POMT2: variants seen among roughly 807,000 people sequenced by gnomAD.
The protein encoded by POMT2 is protein O-mannosyltransferase 2, also known as protein O-mannosyl-transferase 2.
A neutral mutation model predicts 100.0 loss-of-function variants in POMT2; 75 were observed. The ratio of observed to expected loss-of-function variants is 0.75; its 90% CI spans 0.62 to 0.91. The LOEUF (loss-of-function observed/expected upper bound fraction) is 0.91. Among genes scored for constraint, POMT2 ranks in the 40% least tolerant of loss-of-function variants. The pLI is 0.00. For missense variants in POMT2, 940 were observed against 955.1 expected (o/e 0.98, Z 0.21); for synonymous variants, 378 against 374.1 (o/e 1.01, Z -0.12).
At chr14:77,306,779 TA>T (rs1298812267) in intron 2 of POMT2, 1 of 336,052 alleles carries the variant, frequency 3.0e-6, no homozygotes, top group Admixed American at 4.2e-5. Flanking sequence ...TGGTATAAAA[TA>T]AAACACGGCA....
chr14:77,281,737 T>C (rs1188965679), intron 15 of POMT2, among the ~76,000 whole-genome samples: 2 of 152,200 alleles, frequency 1.3e-5, no homozygotes, highest in Non-Finnish European at 2.9e-5. Flanking sequence ...GCAGAGTGTT[T>C]AGCATTCCTG....
At chr14:77,300,654 T>C (rs960022384) in intron 6 of POMT2, 19 of 238,656 alleles carry the variant, frequency 8.0e-5, no homozygotes, top group African/African-American at 4.2e-4. Flanking sequence ...ACCGCATCTC[T>C]ACTAAAACTA....
At chr14:77,308,800 A>T in intron 2 of POMT2, 1 of 447,724 alleles carries the variant, frequency 2.2e-6, no homozygotes, top group Non-Finnish European at 4.4e-6. Flanking sequence ...TTAAATGTGC[A>T]TATTCTTCGA....
chr14:77,278,259 G>A (rs904158729), intron 20 of POMT2, 135 bp downstream of exon 20: 3 of 773,368 alleles, frequency 3.9e-6, no homozygotes, highest in African/African-American at 3.4e-5. Context: ...GCCCCACCTG[G>A]GCTTGGGTGA....
rs772579150 is a variant in POMT2, at chr14:77,301,180, G to C, written c.726C>G (p.Val242=). ...TGVSLAGALG[V]KFVGLFIILQ... is the part of the protein sequence containing the mutation. ...GGATGATAAAGAGGCCAACAAACTT[G>C]ACCCCTAAAGCACCAGCAAGACTAA... Residue 242 remains valine, a synonymous_variant, in exon 6 of 21, where the codon GTC becomes GTG. Coordinates refer to ENST00000261534, the MANE Select transcript of POMT2 (RefSeq NM_013382.7). The C allele has an allele frequency of 6.2e-7, 1 of 1,614,210 alleles. No individual in the cohort carries two copies. The highest frequency in any genetic ancestry group is 8.5e-7 in the Non-Finnish European group (1 of 1,180,050).
chr14:77,313,909 T>C (rs1182006700), intron 1 of POMT2, among the ~76,000 whole-genome samples: 1 of 152,158 alleles, frequency 6.6e-6, no homozygotes, highest in Non-Finnish European at 1.5e-5. Flanking sequence ...GGTTTCACCA[T>C]GTTGGCCAGG....
intron 4 of POMT2, among the ~76,000 whole-genome samples, 176 bp from the exon 5 acceptor site, chr14:77,303,119 G>A (rs886407117): frequency 2.6e-5 from 4 of 152,092 alleles, no homozygotes; most frequent in African/African-American, 9.7e-5. Flanking sequence ...CACAGCTCTG[G>A]GAGACATCAA....
At chr14:77,279,710 G>A in intron 18 of POMT2, 113 bp downstream of exon 18, 1 of 1,017,632 alleles carries the variant, frequency 9.8e-7, no homozygotes, top group East Asian at 2.6e-5. Context: ...ATAAGGGAAG[G>A]TGTGGGGTGG....
chr14:77,319,897 G>A (rs185987417), intron 1 of POMT2, among the ~76,000 whole-genome samples: 1 of 152,288 alleles, frequency 6.6e-6, no homozygotes, highest in African/African-American at 2.4e-5. Context: ...CTGACACCCA[G>A]TATCTGGATA....
chr14:77,310,962 C>T (rs1258681988), intron 2 of POMT2, among the ~76,000 whole-genome samples: 1 of 152,288 alleles, frequency 6.6e-6, no homozygotes, highest in Non-Finnish European at 1.5e-5. Context: ...GGTGAAACCC[C>T]GTCTCTACTG....
chr14:77,303,341 G>C lies in POMT2; in HGVS notation c.548-398C>G, dbSNP rs1891119369. On this transcript the variant is annotated intron_variant, in intron 4 of 20. Coordinates refer to ENST00000261534, the MANE Select transcript of POMT2 (RefSeq NM_013382.7). ...CATTTTACATGAAGTCTCTCTTGGG[G>C]GTCGATTCTCCAGACAGATGGCAGA... Among the ~76,000 whole-genome samples the C allele has an allele frequency of 2.0e-5, 3 of 151,870 alleles. No individual in the cohort carries two copies. The South Asian group carries it at 6.3e-4, about 32-fold the overall frequency.
At position 77,283,880 on chromosome 14, in the gene POMT2, G is replaced by GA. The variant is rs749856419; in HGVS notation, c.1577-8dup. 1 of 1,605,000 alleles carries GA rather than the reference G, an allele frequency of 6.2e-7. No homozygotes were observed. Among genetic ancestry groups the GA allele is most frequent in the Middle Eastern group, 1.7e-4 (1 of 6,048 alleles). Reference sequence around the variant, plus strand: ...TCCAGGCTGATGTTTGGCACTAGGGGAAAAAAATGCAGGAGAAAAGCCTTT... The same window carrying GA: ...TCCAGGCTGATGTTTGGCACTAGGGGAAAAAAAATGCAGGAGAAAAGCCTTT... On this transcript the variant is annotated splice_polypyrimidine_tract_variant and splice_region_variant and intron_variant, in intron 14 of 20. Transcript: ENST00000261534.
At position 77,277,363 on chromosome 14, in the gene POMT2, C is replaced by A. The variant is rs771273421; in HGVS notation, c.*13G>T. On this transcript the variant is annotated 3_prime_UTR_variant, in exon 21 of 21. Coordinates refer to ENST00000261534, the MANE Select transcript of POMT2 (RefSeq NM_013382.7). ...GAAGTTCCTGGACCCAGGCTGGAAT[C>A]TTTGCAGTGGCCTCAAAAGTCCCAT... The A allele has an allele frequency of 1.2e-5, 19 of 1,597,004 alleles. No homozygotes were observed. The highest frequency in any genetic ancestry group is 1.7e-4 in the Middle Eastern group (1 of 6,028).
Position 77,298,673 on chromosome 14 carries a change from G to A in POMT2, c.1006+16C>T. 1.9e-6 allele frequency: 3 copies of A among 1,613,386 alleles called. No homozygotes were observed. Among genetic ancestry groups the A allele is most frequent in the Non-Finnish European group, 2.5e-6 (3 of 1,179,640 alleles). On this transcript the variant is annotated intron_variant, in intron 8 of 20. Coordinates refer to ENST00000261534, the MANE Select transcript of POMT2 (RefSeq NM_013382.7). The stretch of plus-strand genomic sequence containing the variant: ...CCCTCTGCCTTCTACCTTTGTAATG[G>A]CCCAGAGACACTCACGTTCAGGGAT...
chr14:77,301,633 G>A (rs559525586), intron 5 of POMT2, among the ~76,000 whole-genome samples: 1 of 152,294 alleles, frequency 6.6e-6, no homozygotes, highest in African/African-American at 2.4e-5. Flanking sequence ...CCTTGTCGAA[G>A]GCAGCATTTA....
rs905831122 is a variant in POMT2 at position 77,277,031 on chromosome 14, T to G, written c.*345A>C. 9.5e-6 allele frequency: 3 copies of G among 314,610 alleles called. No homozygotes were observed. The highest frequency in any genetic ancestry group is 4.1e-5 in the Admixed American group (1 of 24,458). The allele number at this position is 314,610 out of a possible 1,614,324, so 19.5% of individuals were successfully genotyped here. ...GAGTTTATGACACTCAGCTGTCCAG[T>G]TACACGGTCTGTATTCCACAGGGAT... On this transcript the variant is annotated 3_prime_UTR_variant, in exon 21 of 21. Coordinates refer to ENST00000261534, the MANE Select transcript of POMT2 (RefSeq NM_013382.7).
rs1891015158 is a variant in POMT2, at chr14:77,301,006, A to G, written c.816+84T>C. On this transcript the variant is annotated intron_variant, in intron 6 of 20. Coordinates refer to ENST00000261534, the MANE Select transcript of POMT2 (RefSeq NM_013382.7). ...AGAACACAGCCACTCTGCCACCTGC[A>G]GTAGAGACAGAGAAGGCCACCAGCT... The G allele has an allele frequency of 5.6e-6, 9 of 1,609,720 alleles. No individual in the cohort carries two copies. In the East Asian group the frequency reaches 1.3e-4, roughly 24 times the overall value.
rs1178994104 is a variant in POMT2 at position 77,311,825 on chromosome 14, A to G, written c.333+124T>C. On this transcript the variant is annotated intron_variant, in intron 2 of 20. Transcript: ENST00000261534. Reference sequence around the variant, plus strand: ...ATGAAAGTAGCTGGTCTGAAATGTCAGAAAATTCTTTCTACAAGTCCCAAA... The same window carrying G: ...ATGAAAGTAGCTGGTCTGAAATGTCGGAAAATTCTTTCTACAAGTCCCAAA... 1.9e-5 allele frequency: 27 copies of G among 1,456,818 alleles called. No homozygotes were observed. In the South Asian group the frequency reaches 3.7e-4, roughly 20 times the overall value. The allele number at this position is 1,456,818 out of a possible 1,614,324, so 90.2% of individuals were successfully genotyped here. A position where few individuals can be genotyped will look rare whatever the true frequency, so the allele number is the denominator to read the frequency against.
At chr14:77,305,399 T>A (rs1340327975) in intron 3 of POMT2, among the ~76,000 whole-genome samples, 3 of 152,152 alleles carry the variant, frequency 2.0e-5, no homozygotes, top group Admixed American at 6.5e-5. Context: ...TACCTGTCCA[T>A]CAAAATAAAC....
Sources: gnomAD v4.1 joint callset for allele counts (sites outside exome capture counted in the v4.1 genomes callset) on GRCh38, gnomAD v4.1.1 for gene constraint, MANE v1.5 for transcripts, NCBI Gene and HGNC (gene_info 2026-07-23, HGNC 2026-07-21) for gene names.